Variants in SLC14A2 observed in about 807,000 individuals in gnomAD.
SLC14A2 encodes urea transporter 2.
In SLC14A2, 91 loss-of-function variants were observed where a neutral mutation model predicts 104.6. The ratio of observed to expected loss-of-function variants is 0.87; its 90% CI spans 0.73 to 1.04. SLC14A2 has a LOEUF of 1.04. SLC14A2 is among the 50% of genes least tolerant of loss of function. SLC14A2 has a pLI of 0.00. For missense variants in SLC14A2, 1,189 were observed against 1,156.0 expected, an observed-to-expected ratio of 1.03 and a Z score of -0.41; for synonymous variants, 476 against 466.4, an observed-to-expected ratio of 1.02 and a Z score of -0.27.
intron 11 of SLC14A2, 48 bp downstream of exon 11, chr18:45,663,955 C>T: frequency 6.4e-7 from 1 of 1,551,190 alleles, no homozygotes; most frequent in Non-Finnish European, 8.7e-7. Context: ...TTCCTAGTCT[C>T]TAATAAAACA....
chr18:45,657,519 A>AAAGG (rs5824603), intron 10 of SLC14A2, among the ~76,000 whole-genome samples: 106 of 144,302 alleles, frequency 7.3e-4, no homozygotes, highest in Middle Eastern at 3.5e-3. Context: ...GAAAGAAAGA[A>AAAGG]AAGGAAGGAA....
chr18:45,438,141 A>G (rs1251993107), intron 1 of SLC14A2: 1 of 152,204 alleles, frequency 6.6e-6, no homozygotes, highest in Non-Finnish European at 1.5e-5. Context: ...ACAATGTAGT[A>G]AGTTCTTAAC....
chr18:45,182,539 A>G, the SLC14A2 span, among the ~76,000 whole-genome samples: 1 of 152,002 alleles, frequency 6.6e-6, no homozygotes, highest in Non-Finnish European at 1.5e-5. Flanking sequence ...TTAGTAAAAA[A>G]ATTGACTTTA....
chr18:45,247,701 C>CTTTTTTTTTTT (rs199702602), intron 1 of SLC14A2, among the ~76,000 whole-genome samples: 1 of 138,332 alleles, frequency 7.2e-6, no homozygotes, highest in African/African-American at 2.7e-5. Context: ...TAATGTAGGC[C>CTTTTTTTTTTT]TTTTTTTTTT....
At chr18:45,251,517 A>T (rs946272330) in intron 1 of SLC14A2, among the ~76,000 whole-genome samples, 1 of 152,212 alleles carries the variant, frequency 6.6e-6, no homozygotes, top group Non-Finnish European at 1.5e-5. Flanking sequence ...AAAAAAACAC[A>T]TACTGAATGG....
At chr18:45,482,898 A>G (rs2087523834) in intron 1 of SLC14A2, among the ~76,000 whole-genome samples, 1 of 152,212 alleles carries the variant, frequency 6.6e-6, no homozygotes, top group Admixed American at 6.5e-5. Context: ...GGCAAAGGAT[A>G]TTCATTAATA....
intron 1 of SLC14A2, among the ~76,000 whole-genome samples, chr18:45,386,760 A>T (rs2612573): frequency 6.6e-6 from 1 of 152,158 alleles, no homozygotes; most frequent in Non-Finnish European, 1.5e-5. Context: ...GTGGGACCTC[A>T]AACTGTTGAT....
At chr18:45,405,120 C>T (rs2086139312) in intron 1 of SLC14A2, among the ~76,000 whole-genome samples, 1 of 152,164 alleles carries the variant, frequency 6.6e-6, no homozygotes, top group South Asian at 2.1e-4. Flanking sequence ...AAGAAGCCCT[C>T]CAGTCATTTT....
chr18:45,337,218 C>T (rs1348611172), intron 1 of SLC14A2, among the ~76,000 whole-genome samples: 1 of 151,974 alleles, frequency 6.6e-6, no homozygotes, highest in Non-Finnish European at 1.5e-5. Flanking sequence ...GAAGGAGGGT[C>T]AATTTGGTAG....
intron 2 of SLC14A2, among the ~76,000 whole-genome samples, chr18:45,551,077 A>G (rs1013016767): frequency 2.6e-5 from 4 of 152,208 alleles, no homozygotes; most frequent in Admixed American, 6.5e-5. Flanking sequence ...GCCTAGAACC[A>G]ATAATTAATC....
intron 1 of SLC14A2, among the ~76,000 whole-genome samples, chr18:45,421,162 A>G (rs2086342408): frequency 1.3e-5 from 2 of 152,174 alleles, no homozygotes; most frequent in African/African-American, 4.8e-5. Context: ...TCAAGAACCT[A>G]AAATGTATTT....
chr18:45,396,191 ATATTGTTTATTCTTCATCTTT>A (rs1568181625), intron 1 of SLC14A2, among the ~76,000 whole-genome samples: 3 of 152,118 alleles, frequency 2.0e-5, no homozygotes, highest in Non-Finnish European at 4.4e-5. Context: ...ATTAAAATGC[ATATTGTTTATTCTTCATCTTT>A]GTCATATACT....
chr18:45,361,305 AG>A (rs2085608571), intron 1 of SLC14A2, among the ~76,000 whole-genome samples: 1 of 152,146 alleles, frequency 6.6e-6, no homozygotes, highest in African/African-American at 2.4e-5. Flanking sequence ...TTTTGTTATA[AG>A]GGGGTGGCCT....
At chr18:45,278,869 C>G (rs919954357) in intron 1 of SLC14A2, among the ~76,000 whole-genome samples, 2 of 152,194 alleles carry the variant, frequency 1.3e-5, no homozygotes, top group Non-Finnish European at 2.9e-5. Flanking sequence ...TTCTAAACAG[C>G]GTGGTTGCTA....
intron 1 of SLC14A2, among the ~76,000 whole-genome samples, chr18:45,344,759 C>T (rs1568160522): frequency 6.6e-6 from 1 of 152,168 alleles, no homozygotes; most frequent in African/African-American, 2.4e-5. Context: ...TGGTGTGCGT[C>T]AGTGGCATTA....
intron 2 of SLC14A2, among the ~76,000 whole-genome samples, chr18:45,537,025 C>G (rs1454686620): frequency 2.7e-5 from 1 of 36,954 alleles, no homozygotes; most frequent in African/African-American, 1.4e-4. Context: ...TCTCTCCCCT[C>G]CCTCCCTCCC....
chr18:45,633,717 TAAG>T (rs2045379278), intron 5 of SLC14A2, among the ~76,000 whole-genome samples: 1 of 152,252 alleles, frequency 6.6e-6, no homozygotes, highest in South Asian at 2.1e-4. Flanking sequence ...TTAACATCTC[TAAG>T]AAGTAAATGT....
At chr18:45,624,243 A>T (rs1336116310) in intron 1 of SLC14A2, among the ~76,000 whole-genome samples, 1 of 151,988 alleles carries the variant, frequency 6.6e-6, no homozygotes, top group Non-Finnish European at 1.5e-5. Flanking sequence ...GACACCCCCC[A>T]CCTCCAATCA....
chr18:45,341,595 CTTTTTT>C (rs376534367), intron 1 of SLC14A2, among the ~76,000 whole-genome samples: 77 of 83,158 alleles, frequency 9.3e-4, no homozygotes, highest in African/African-American at 3.9e-3. Context: ...TCTAGTATTA[CTTTTTT>C]TTTTTTTTTT....
Sources: allele counts gnomAD v4.1 joint callset (sites outside exome capture counted in the v4.1 genomes callset), GRCh38; gene constraint gnomAD v4.1.1; transcripts MANE v1.5; gene names NCBI Gene and HGNC (gene_info 2026-07-23, HGNC 2026-07-21).